CREB5: variants seen among roughly 807,000 people sequenced by gnomAD.
The protein encoded by CREB5 is cAMP responsive element binding protein 5.
CREB5 carries 19 observed loss-of-function variants against 57.1 expected under a neutral mutation model. The observed-to-expected ratio is 0.33, with a 90% CI of 0.23 to 0.49. CREB5 has a LOEUF of 0.49. CREB5 is among the 20% of genes least tolerant of loss of function. The pLI is 0.99. For missense variants in CREB5, 579 were observed against 671.6 expected (o/e 0.86, Z 1.52); for synonymous variants, 238 against 238.3 (o/e 1.00, Z 0.01).
chr7:28,804,073 TA>T, intron 7 of CREB5, 125 bp from the exon 8 acceptor site: 1 of 822,318 alleles, frequency 1.2e-6, no homozygotes, highest in Admixed American at 2.6e-5. Flanking sequence ...TAGCTACTGG[TA>T]GGAAACATTA....
intron 1 of CREB5, among the ~76,000 whole-genome samples, chr7:28,311,892 G>T (rs1370425746): frequency 6.6e-6 from 1 of 152,124 alleles, no homozygotes; most frequent in African/African-American, 2.4e-5. Context: ...CCCAGTGTCG[G>T]TCTCCCTGCG....
intron 6 of CREB5, 24 bp from the exon 7 acceptor site, chr7:28,724,198 A>ATTCTT (rs746574471): frequency 3.7e-6 from 6 of 1,602,908 alleles, no homozygotes; most frequent in Middle Eastern, 3.3e-4. Flanking sequence ...CAGACTTCTA[A>ATTCTT]TTCTTTTCTT....
At chr7:28,669,911 A>G (rs1048506017) in intron 5 of CREB5, among the ~76,000 whole-genome samples, 5 of 152,218 alleles carry the variant, frequency 3.3e-5, no homozygotes, top group Admixed American at 1.3e-4. Context: ...CAGGCACAAC[A>G]AGGGGAGCCC....
At chr7:28,442,118 A>G (rs115175019) in intron 1 of CREB5, among the ~76,000 whole-genome samples, 43 of 152,116 alleles carry the variant, frequency 2.8e-4, no homozygotes, top group African/African-American at 1.0e-3. Context: ...AATACTCACA[A>G]TTCTACTCTC....
At chr7:28,520,346 T>C (rs999060841) in intron 4 of CREB5, among the ~76,000 whole-genome samples, 1 of 152,234 alleles carries the variant, frequency 6.6e-6, no homozygotes, top group Non-Finnish European at 1.5e-5. Flanking sequence ...CATTTGTCAC[T>C]GAGACCATTT....
At chr7:28,315,435 G>A (rs374916130) in intron 1 of CREB5, among the ~76,000 whole-genome samples, 7 of 152,210 alleles carry the variant, frequency 4.6e-5, no homozygotes, top group Non-Finnish European at 1.0e-4. Context: ...TTGGACCTGA[G>A]CAATGGGCAG....
intron 7 of CREB5, among the ~76,000 whole-genome samples, chr7:28,733,817 G>T (rs184828085): frequency 1.3e-5 from 2 of 152,322 alleles, no homozygotes; most frequent in Admixed American, 6.5e-5. Context: ...AGGAAGAAAA[G>T]TCTGATAAAC....
At chr7:28,490,826 C>T (rs1326307483) in intron 2 of CREB5, among the ~76,000 whole-genome samples, 1 of 152,232 alleles carries the variant, frequency 6.6e-6, no homozygotes, top group Non-Finnish European at 1.5e-5. Context: ...TTTTCGATCC[C>T]TTGTCTTTGG....
At chr7:28,785,557 T>C (rs1385678947) in intron 7 of CREB5, among the ~76,000 whole-genome samples, 1 of 152,228 alleles carries the variant, frequency 6.6e-6, no homozygotes, top group African/African-American at 2.4e-5. Flanking sequence ...GAAAACGTCA[T>C]GTCATTGCTA....
intron 4 of CREB5, among the ~76,000 whole-genome samples, chr7:28,518,780 G>A (rs1380706048): frequency 1.3e-5 from 2 of 152,170 alleles, no homozygotes; most frequent in South Asian, 2.1e-4. Context: ...CTTCCTGTGC[G>A]ATCCACACTC....
At chr7:28,715,278 G>A (rs1004118365) in intron 5 of CREB5, among the ~76,000 whole-genome samples, 4 of 152,134 alleles carry the variant, frequency 2.6e-5, no homozygotes, top group South Asian at 2.1e-4. Context: ...TATAAGCCCC[G>A]TTCCCGTTCA....
intron 5 of CREB5, among the ~76,000 whole-genome samples, chr7:28,574,671 T>A (rs548057666): frequency 3.8e-4 from 58 of 152,338 alleles, no homozygotes; most frequent in African/African-American, 1.3e-3. Context: ...TTCTACATAT[T>A]TTTTTCTTAC....
At chr7:28,380,447 G>A (rs1786944591) in intron 1 of CREB5, among the ~76,000 whole-genome samples, 1 of 152,190 alleles carries the variant, frequency 6.6e-6, no homozygotes, top group African/African-American at 2.4e-5. Flanking sequence ...CAGGTCTGCT[G>A]CGATGGTGCT....
rs1462962389 is a variant in CREB5 at position 28,588,430 on chromosome 7, G to A, written c.464+17893G>A. ...AAACGCCCAGCATGTTATCTAGTAC[G>A]GAGGAACTATATTGGTGTAAGTATG... On this transcript the variant is annotated intron_variant, in intron 5 of 10. Transcript: ENST00000357727. 5.9e-5 allele frequency among the ~76,000 whole-genome samples: 9 copies of A among 152,092 alleles called. No homozygotes were observed. The South Asian group carries it at 8.3e-4, about 14-fold the overall frequency.
At chr7:28,555,145 A>T (rs1026164689) in intron 4 of CREB5, among the ~76,000 whole-genome samples, 1 of 122,184 alleles carries the variant, frequency 8.2e-6, no homozygotes. Flanking sequence ...AGCTTCCTGC[A>T]TATGGGTTTA....
intron 7 of CREB5, among the ~76,000 whole-genome samples, chr7:28,799,257 G>A (rs943073841): frequency 6.6e-6 from 1 of 152,122 alleles, no homozygotes; most frequent in Non-Finnish European, 1.5e-5. Flanking sequence ...ATTTTCTGAG[G>A]GGTGATCAAA....
Position 28,603,407 on chromosome 7 carries a change from G to T in CREB5, c.464+32870G>T, listed in dbSNP as rs17156896. 0.011 allele frequency among the ~76,000 whole-genome samples: 1,722 copies of T among 152,238 alleles called. 158 individuals carry two copies. The East Asian group carries it at 0.24, about 22-fold the overall frequency. ...TTTTGATCACGGCCTATTTGTTGAG[G>T]CCTTTTGATCACATTGAAAGTAAAA... On this transcript the variant is annotated intron_variant, in intron 5 of 10. Coordinates refer to ENST00000357727, the MANE Select transcript of CREB5 (RefSeq NM_182898.4).
intron 1 of CREB5, among the ~76,000 whole-genome samples, chr7:28,356,358 C>T (rs1246803462): frequency 6.6e-6 from 1 of 152,190 alleles, no homozygotes; most frequent in Non-Finnish European, 1.5e-5. Flanking sequence ...TGTGTGCATA[C>T]ATGGGTTTGT....
At chr7:28,760,237 G>C (rs1805566812) in intron 7 of CREB5, among the ~76,000 whole-genome samples, 1 of 152,122 alleles carries the variant, frequency 6.6e-6, no homozygotes, top group South Asian at 2.1e-4. Context: ...CAGGAGAGTT[G>C]ATTTCTAAAT....
Sources: gnomAD v4.1 joint callset for allele counts (sites outside exome capture counted in the v4.1 genomes callset) on GRCh38, gnomAD v4.1.1 for gene constraint, MANE v1.5 for transcripts, NCBI Gene and HGNC (gene_info 2026-07-23, HGNC 2026-07-21) for gene names.